The following ATP2B1 variants were observed in gnomAD, a reference collection of about 807,000 sequenced individuals.
The protein encoded by ATP2B1 is plasma membrane calcium-transporting ATPase 1.
A neutral mutation model predicts 124.2 loss-of-function variants in ATP2B1; 14 were observed. The ratio of observed to expected loss-of-function variants is 0.11; its 90% confidence interval spans 0.07 to 0.18. ATP2B1 has a LOEUF of 0.18. ATP2B1 is among the 10% of genes least tolerant of loss of function. The probability of loss-of-function intolerance (pLI) is 1.00; values close to 1 mark genes in which losing one functional copy is unlikely to be tolerated. For missense variants in ATP2B1, 763 were observed against 1,466.1 expected (o/e 0.52, Z 7.83); for synonymous variants, 449 against 492.4 (o/e 0.91, Z 1.17).
intron 3 of ATP2B1, among the ~76,000 whole-genome samples, chr12:89,636,365 A>C (rs556874660): frequency 2.0e-5 from 3 of 150,344 alleles, no homozygotes; most frequent in African/African-American, 7.4e-5. Flanking sequence ...ATTCTGAAAA[A>C]TGGAACAAAA....
At chr12:89,708,050 C>T (rs1210678984) in intron 1 of ATP2B1, among the ~76,000 whole-genome samples, 2 of 152,208 alleles carry the variant, frequency 1.3e-5, no homozygotes, top group Non-Finnish European at 1.5e-5. Context: ...CCCGAGGAAT[C>T]ACCGTCCTGA....
rs1873493764 is a variant in ATP2B1 at position 89,591,204 on chromosome 12, G to C, written c.3443C>G (p.Pro1148Arg). ...CTCTGAATCTTCTATCCTAAACTCA[G>C]GATGTGTCATAAAGTTGTGAATCGA... ...RSSIHNFMTH[P>R]EFRIEDSEPH... is the part of the protein sequence containing the mutation. The change falls in exon 21 of 21, where the codon CCT becomes CGT. Residue 1148 changes from proline to arginine, a missense_variant. By Grantham distance (103) the Pro-to-Arg change is moderately radical. Transcript: ENST00000428670. The C allele has an allele frequency of 1.2e-6, 2 of 1,613,062 alleles. No homozygotes were observed. Among genetic ancestry groups the C allele is most frequent in the Non-Finnish European group, 1.7e-6 (2 of 1,179,364 alleles).
chr12:89,640,225 A>G (rs1427928515), intron 3 of ATP2B1, among the ~76,000 whole-genome samples: 3 of 152,016 alleles, frequency 2.0e-5, no homozygotes, highest in Admixed American at 6.6e-5. Context: ...CACCCCCATT[A>G]TTTTTTTTAA....
At chr12:89,616,446 C>G (rs573892754) in intron 12 of ATP2B1, among the ~76,000 whole-genome samples, 1 of 152,166 alleles carries the variant, frequency 6.6e-6, no homozygotes, top group African/African-American at 2.4e-5. Context: ...ACAGAACATT[C>G]CTATTATCAC....
chr12:89,629,220 G>A lies in ATP2B1; in HGVS notation c.928+1285C>T, dbSNP rs576697851. Among the ~76,000 whole-genome samples, 4 of 152,288 alleles carry A rather than the reference G, an allele frequency of 2.6e-5. No individual in the cohort carries two copies. The South Asian group carries it at 6.2e-4, about 24-fold the overall frequency. ...ACAGCATAAAAGGGTAGACTCTTGA[G>A]CCAGAGAAGAGGGTGTGACCTGTCA... On this transcript the variant is annotated intron_variant, in intron 6 of 20. Coordinates refer to ENST00000428670, the MANE Select transcript of ATP2B1 (RefSeq NM_001366521.1).
At chr12:89,627,081 C>A (rs1426769471) in intron 7 of ATP2B1, among the ~76,000 whole-genome samples, 1 of 151,916 alleles carries the variant, frequency 6.6e-6, no homozygotes, top group East Asian at 1.9e-4. Flanking sequence ...ATATAATAAC[C>A]AGCGTTCAAA....
intron 20 of ATP2B1, among the ~76,000 whole-genome samples, chr12:89,595,917 G>A (rs750880875): frequency 1.3e-5 from 2 of 152,052 alleles, no homozygotes; most frequent in Non-Finnish European, 2.9e-5. Context: ...ACTCTCTTAA[G>A]TGCACCTTTA....
intron 3 of ATP2B1, among the ~76,000 whole-genome samples, chr12:89,638,172 A>T (rs1419384989): frequency 6.6e-6 from 1 of 152,222 alleles, no homozygotes; most frequent in Non-Finnish European, 1.5e-5. Flanking sequence ...AAAGAATTTT[A>T]ACAATGTTTT....
At chr12:89,615,745 G>A (rs2136041287) in intron 12 of ATP2B1, among the ~76,000 whole-genome samples, 1 of 152,248 alleles carries the variant, frequency 6.6e-6, no homozygotes, top group South Asian at 2.1e-4. Flanking sequence ...GACCCCTCCA[G>A]TGGTCAATAC....
intron 2 of ATP2B1, among the ~76,000 whole-genome samples, chr12:89,653,400 T>C (rs12300637): frequency 0.013 from 2,029 of 150,542 alleles, 42 homozygotes; most frequent in African/African-American, 0.046. Flanking sequence ...GGGTTCACGC[T>C]ATTCTCCTGC....
intron 12 of ATP2B1, among the ~76,000 whole-genome samples, chr12:89,614,315 G>A (rs1479034823): frequency 1.3e-5 from 2 of 151,964 alleles, no homozygotes; most frequent in Non-Finnish European, 2.9e-5. Flanking sequence ...CTCCAGCCTG[G>A]GCAACATAGG....
intron 1 of ATP2B1, among the ~76,000 whole-genome samples, chr12:89,662,376 A>G (rs1432275480): frequency 1.3e-5 from 2 of 152,192 alleles, no homozygotes; most frequent in African/African-American, 4.8e-5. Context: ...GTCTATTATT[A>G]TACATATCAA....
At chr12:89,596,073 G>A (rs1461638521) in intron 20 of ATP2B1, among the ~76,000 whole-genome samples, 1 of 152,024 alleles carries the variant, frequency 6.6e-6, no homozygotes, top group Non-Finnish European at 1.5e-5. Context: ...CTGCCTGCCT[G>A]TCTTAAAAGT....
intron 1 of ATP2B1, among the ~76,000 whole-genome samples, chr12:89,685,302 T>TCA (rs1474712702): frequency 6.6e-6 from 1 of 152,154 alleles, no homozygotes; most frequent in African/African-American, 2.4e-5. Flanking sequence ...CTCACTGAAT[T>TCA]GGGAAACGTA....
chr12:89,596,628 G>GA (rs35620570), intron 20 of ATP2B1, among the ~76,000 whole-genome samples: 2 of 152,020 alleles, frequency 1.3e-5, no homozygotes, highest in African/African-American at 2.4e-5. Flanking sequence ...AAACGGCTCA[G>GA]AAAAAAGTTT....
At chr12:89,630,420 C>G in intron 6 of ATP2B1, 85 bp downstream of exon 6, 6 of 1,194,808 alleles carry the variant, frequency 5.0e-6, no homozygotes, top group Non-Finnish European at 6.5e-6. Context: ...TTTTTCATAC[C>G]AGAATCTCTT....
Position 89,610,026 on chromosome 12 carries a change from C to T in ATP2B1, c.2353G>A (p.Val785Ile), listed in dbSNP as rs1877696565. The T allele has an allele frequency of 3.7e-6, 6 of 1,613,486 alleles. No homozygotes were observed. Among genetic ancestry groups the T allele is most frequent in the Non-Finnish European group, 5.1e-6 (6 of 1,179,572 alleles). Residue 785 changes from valine to isoleucine, a missense_variant, in exon 15 of 21, where the codon GTC (valine) becomes ATC (isoleucine). By Grantham distance (29) the Val-to-Ile change is conservative (BLOSUM62 3). Around this residue, in one of 7 missense-constraint regions of ATP2B1, gnomAD observed 51 missense variants for 192.8 expected, o/e 0.26. Coordinates refer to ENST00000428670, the MANE Select transcript of ATP2B1 (RefSeq NM_001366521.1). ...TLVKGIIDST[V>I]SDQRQVVAVT... ...GCTACAACCTGGCGTTGGTCTGAGA[C>T]AGTGCTGTCAATTATACCTTAAATA...
intron 12 of ATP2B1, chr12:89,612,261 A>C (rs2136012082): frequency 6.6e-6 from 1 of 152,310 alleles, no homozygotes; most frequent in South Asian, 2.1e-4. Flanking sequence ...CAAAGTTCTC[A>C]GTATAACACA....
In ATP2B1 at chr12:89,616,660, TATTTC is replaced by T. The variant is rs796265041; in HGVS notation, c.2067+137_2067+141del. 7.1e-5 allele frequency: 50 copies of T among 708,212 alleles called. No individual in the cohort carries two copies. In the African/African-American group the frequency reaches 7.2e-4, roughly 10 times the overall value. 43.9% of individuals were successfully genotyped at this position (708,212 alleles called of 1,614,324 possible). A position where few individuals can be genotyped will look rare whatever the true frequency, so the allele number is the denominator to read the frequency against. On this transcript the variant is annotated intron_variant, in intron 12 of 20. Coordinates refer to ENST00000428670, the MANE Select transcript of ATP2B1 (RefSeq NM_001366521.1). ...CTAGCATATGCACTGTAGGTACTAT[TATTTC>T]ATTTATCTTGGGTTCACACAGAAAA... is the stretch of plus-strand genomic sequence containing the variant.
Sources: allele counts gnomAD v4.1 joint callset (sites outside exome capture counted in the v4.1 genomes callset), GRCh38; gene constraint gnomAD v4.1.1; regional missense constraint gnomAD v4.1.1; transcripts MANE v1.5; gene names NCBI Gene and HGNC (gene_info 2026-07-23, HGNC 2026-07-21).